AVEN: variants seen among roughly 807,000 people sequenced by gnomAD.
AVEN encodes cell death regulator Aven.
A neutral mutation model predicts 38.1 loss-of-function variants in AVEN; 41 were observed. That is an observed-to-expected ratio of 1.08 (90% CI 0.84 to 1.40). The LOEUF (loss-of-function observed/expected upper bound fraction) is 1.40. Ranked by LOEUF, AVEN falls within the 40% of genes most tolerant of loss-of-function variation. AVEN has a pLI of 0.00. For missense variants in AVEN, 605 were observed against 438.8 expected, an observed-to-expected ratio of 1.38 and a Z score of -3.38; for synonymous variants, 206 against 171.8, an observed-to-expected ratio of 1.20 and a Z score of -1.56.
chr15:33,945,827 C>T (rs765878593), intron 2 of AVEN, among the ~76,000 whole-genome samples: 24 of 152,084 alleles, frequency 1.6e-4, no homozygotes, highest in Non-Finnish European at 2.9e-4. Flanking sequence ...CCTCATGATC[C>T]GCCCACCTTG....
At chr15:33,862,783 G>C (rs184432137), downstream of AVEN, among the ~76,000 whole-genome samples, 1 of 152,130 alleles carries the variant, frequency 6.6e-6, no homozygotes, top group South Asian at 2.1e-4. Flanking sequence ...GCTAATTTTT[G>C]TATTTTTAGT....
chr15:33,893,972 CAG>C (rs1892099279), intron 2 of AVEN, among the ~76,000 whole-genome samples: 1 of 109,040 alleles, frequency 9.2e-6, no homozygotes, highest in Admixed American at 1.1e-4. Flanking sequence ...TTTTTTGAGA[CAG>C]AGTCTAGCTC....
intron 1 of AVEN, among the ~76,000 whole-genome samples, chr15:34,007,858 GCTGGCAAC>G (rs1897428305): frequency 6.6e-6 from 1 of 152,152 alleles, no homozygotes; most frequent in Non-Finnish European, 1.5e-5. Flanking sequence ...TCTAGTGGTT[GCTGGCAAC>G]CTTAGCATTC....
At chr15:33,857,974 C>T, downstream of AVEN, 1 of 1,601,994 alleles carries the variant, frequency 6.2e-7, no homozygotes, top group South Asian at 1.1e-5. Context: ...CGCCCCACCA[C>T]CTCACTGGGA....
At chr15:34,033,994 C>T (rs1331071239) in intron 1 of AVEN, among the ~76,000 whole-genome samples, 1 of 152,108 alleles carries the variant, frequency 6.6e-6, no homozygotes, top group Non-Finnish European at 1.5e-5. Flanking sequence ...ACCATTTTGG[C>T]CAGGATGGTC....
chr15:34,007,141 G>T, intron 1 of AVEN: 2 of 711,942 alleles, frequency 2.8e-6, no homozygotes, highest in Non-Finnish European at 3.4e-6. Flanking sequence ...AACTACTGCC[G>T]AGCTATTATC....
chr15:33,992,447 G>C (rs914279645), intron 2 of AVEN, among the ~76,000 whole-genome samples: 3 of 152,122 alleles, frequency 2.0e-5, no homozygotes, highest in Non-Finnish European at 4.4e-5. Flanking sequence ...CAGCTACAAG[G>C]AAAAGTTTTT....
chr15:33,937,601 A>AC (rs993366068), intron 2 of AVEN, among the ~76,000 whole-genome samples: 1 of 151,776 alleles, frequency 6.6e-6, no homozygotes, highest in South Asian at 2.1e-4. Context: ...TGAAGCCCTA[A>AC]CCCCCCAATG....
chr15:34,057,751 G>T (rs1900209043), intron 5 of AVEN, among the ~76,000 whole-genome samples: 1 of 152,156 alleles, frequency 6.6e-6, no homozygotes, highest in South Asian at 2.1e-4. Flanking sequence ...AGCTATGATG[G>T]TGACACTGTT....
Position 34,039,041 on chromosome 15 carries a change from C to T in AVEN, c.6G>A (p.Gln2=). The T allele has an allele frequency of 9.0e-7, 1 of 1,110,870 alleles. No homozygotes were observed. The highest frequency in any genetic ancestry group is 1.1e-6 in the Non-Finnish European group (1 of 912,996). The allele number at this position is 1,110,870 out of a possible 1,614,324, so 68.8% of individuals were successfully genotyped here. ...GGCCTCCCCGAGCTCCTCGCTCCGC[C>T]TGCATCTGGCCGCCGCTGGCGGTGC... M[Q]AERGARGGRG... is the part of the protein sequence containing the mutation. The change falls in exon 1 of 6, where the codon CAG becomes CAA. Residue 2 remains glutamine, a synonymous_variant. Coordinates refer to ENST00000306730, the MANE Select transcript of AVEN (RefSeq NM_020371.3).
chr15:33,892,393 T>C (rs1263540840), intron 2 of AVEN, among the ~76,000 whole-genome samples: 1 of 152,200 alleles, frequency 6.6e-6, no homozygotes, highest in African/African-American at 2.4e-5. Flanking sequence ...CATCGTGAAT[T>C]AATTTCTGTA....
chr15:33,885,787 C>A (rs1037162515), intron 2 of AVEN: 1 of 152,166 alleles, frequency 6.6e-6, no homozygotes, highest in African/African-American at 2.4e-5. Context: ...GGATTCTAGG[C>A]TTTATGAGAA....
intron 2 of AVEN, among the ~76,000 whole-genome samples, chr15:33,884,543 T>G (rs1263440437): frequency 1.3e-5 from 2 of 152,190 alleles, no homozygotes; most frequent in Non-Finnish European, 2.9e-5. Context: ...GCCTAACACA[T>G]GTCTTATGGT....
intron 2 of AVEN, among the ~76,000 whole-genome samples, chr15:33,970,575 A>C (rs184959069): frequency 2.2e-4 from 33 of 152,068 alleles, no homozygotes; most frequent in South Asian, 4.1e-4. Flanking sequence ...TTCCCTCCTT[A>C]TTATGGTATT....
chr15:34,063,603 A>G lies in AVEN; in HGVS notation n.1127-171T>C. Reference sequence around the variant, plus strand: ...CACTGGCCCAAGCGCCAATTGGGCCAAAGCTGAGCAGCTCACCACCTGTAG... The same window carrying G: ...CACTGGCCCAAGCGCCAATTGGGCCGAAGCTGAGCAGCTCACCACCTGTAG... On this transcript the variant is annotated intron_variant and non_coding_transcript_variant, in intron 4 of 11. Transcript: ENST00000675287. The surrounding 1 kb of genome is among the most constrained non-coding windows in gnomAD (Gnocchi z 4.1). 6.2e-7 allele frequency: 1 copy of G among 1,614,000 alleles called. No individual in the cohort carries two copies. Among genetic ancestry groups the G allele is most frequent in the Non-Finnish European group, 8.5e-7 (1 of 1,180,034 alleles).
At chr15:34,056,653 C>T (rs1900163076) in intron 5 of AVEN, among the ~76,000 whole-genome samples, 2 of 152,212 alleles carry the variant, frequency 1.3e-5, no homozygotes, top group East Asian at 1.9e-4. Context: ...GTGTTAGCCT[C>T]GGCTCTCCTC....
intron 2 of AVEN, among the ~76,000 whole-genome samples, chr15:33,887,528 A>C (rs1328658454): frequency 6.6e-6 from 1 of 152,172 alleles, no homozygotes; most frequent in Non-Finnish European, 1.5e-5. Context: ...GATTCTATTT[A>C]TTAATTTTCA....
chr15:33,984,038 A>G (rs1896312037), intron 2 of AVEN, among the ~76,000 whole-genome samples: 2 of 152,168 alleles, frequency 1.3e-5, no homozygotes, highest in Admixed American at 1.3e-4. Flanking sequence ...ACAAATAAGA[A>G]GAGACTAAGG....
chr15:34,066,944 T>G (rs1373544453), intron 2 of AVEN: 1 of 152,152 alleles, frequency 6.6e-6, no homozygotes, highest in African/African-American at 2.4e-5. Flanking sequence ...TAGGGACAAC[T>G]AGACTTCTAT....
Sources: allele counts gnomAD v4.1 joint callset (sites outside exome capture counted in the v4.1 genomes callset), GRCh38; gene constraint gnomAD v4.1.1; non-coding constraint Gnocchi (gnomAD v3.1); transcripts MANE v1.5; gene names NCBI Gene and HGNC (gene_info 2026-07-23, HGNC 2026-07-21).